The following ITGA9 variants were observed in gnomAD, a reference collection of about 807,000 sequenced individuals.
The protein encoded by ITGA9 is integrin subunit alpha 9, also known as integrin alpha-9.
In ITGA9, 56 loss-of-function variants were observed where a neutral mutation model predicts 127.8. That is an observed-to-expected ratio of 0.44 (90% CI 0.35 to 0.55). The LOEUF (loss-of-function observed/expected upper bound fraction) is 0.55. Among genes scored for constraint, ITGA9 ranks in the 20% least tolerant of loss-of-function variants. ITGA9 has a pLI of 0.00. For missense variants in ITGA9, 1,196 were observed against 1,347.1 expected (o/e 0.89, Z 1.76); for synonymous variants, 508 against 514.5 (o/e 0.99, Z 0.17).
chr3:37,520,990 C>T (rs1157755772), intron 11 of ITGA9, among the ~76,000 whole-genome samples: 2 of 152,194 alleles, frequency 1.3e-5, no homozygotes, highest in African/African-American at 2.4e-5. Flanking sequence ...TAGAGAACCA[C>T]AGTATAACTC....
intron 13 of ITGA9, among the ~76,000 whole-genome samples, chr3:37,531,295 A>G (rs1699149821): frequency 6.6e-6 from 1 of 152,184 alleles, no homozygotes; most frequent in Non-Finnish European, 1.5e-5. Flanking sequence ...TGAAGGTCAC[A>G]GGAAGCGATC....
intron 1 of ITGA9, among the ~76,000 whole-genome samples, chr3:37,459,543 A>G (rs1698295005): frequency 6.6e-6 from 1 of 152,232 alleles, no homozygotes; most frequent in Non-Finnish European, 1.5e-5. Context: ...CCACCTCCAA[A>G]TAACATTACC....
At chr3:37,783,198 T>C (rs1696999138) in intron 25 of ITGA9, among the ~76,000 whole-genome samples, 2 of 152,152 alleles carry the variant, frequency 1.3e-5, no homozygotes, top group African/African-American at 4.8e-5. Context: ...TTTCAGTCTG[T>C]AAGGCTTTTC....
At chr3:37,473,853 C>T (rs1246776009) in intron 3 of ITGA9, among the ~76,000 whole-genome samples, 2 of 152,106 alleles carry the variant, frequency 1.3e-5, no homozygotes, top group South Asian at 4.2e-4. Flanking sequence ...TTTCCATCGT[C>T]CCAAAAGTCT....
intron 24 of ITGA9, among the ~76,000 whole-genome samples, chr3:37,778,499 T>A (rs1696934016): frequency 6.6e-6 from 1 of 151,838 alleles, no homozygotes; most frequent in African/African-American, 2.4e-5. Flanking sequence ...GCGCCTGTAA[T>A]CCCAGCTACT....
At chr3:37,693,655 G>GT (rs1700854547) in intron 18 of ITGA9, among the ~76,000 whole-genome samples, 1 of 152,180 alleles carries the variant, frequency 6.6e-6, no homozygotes, top group Non-Finnish European at 1.5e-5. Context: ...ATTTGAGGGA[G>GT]TGCTTTGGCC....
At chr3:37,525,165 A>G (rs1699081469) in intron 12 of ITGA9, among the ~76,000 whole-genome samples, 1 of 152,222 alleles carries the variant, frequency 6.6e-6, no homozygotes, top group Non-Finnish European at 1.5e-5. Context: ...GGAGAAAGGC[A>G]TAGAACCACT....
At chr3:37,476,667 T>C (rs1698498265) in intron 3 of ITGA9, among the ~76,000 whole-genome samples, 2 of 152,198 alleles carry the variant, frequency 1.3e-5, no homozygotes, top group African/African-American at 2.4e-5. Flanking sequence ...TTTCTTCCCC[T>C]GTATGGGCTC....
chr3:37,545,522 T>G (rs971380654), intron 15 of ITGA9, among the ~76,000 whole-genome samples: 4 of 152,178 alleles, frequency 2.6e-5, no homozygotes, highest in African/African-American at 9.6e-5. Context: ...GGAGGGCACC[T>G]CCGGAGGGTA....
At chr3:37,727,757 C>T (rs544198845) in intron 18 of ITGA9, among the ~76,000 whole-genome samples, 1 of 152,284 alleles carries the variant, frequency 6.6e-6, no homozygotes, top group East Asian at 1.9e-4. Context: ...ATCATTTTAA[C>T]AATGGTCACT....
intron 20 of ITGA9, among the ~76,000 whole-genome samples, chr3:37,738,426 G>A (rs1208117290): frequency 3.3e-5 from 5 of 152,214 alleles, no homozygotes; most frequent in Non-Finnish European, 7.3e-5. Context: ...AAGAAGGATG[G>A]GGAGCACACA....
chr3:37,567,062 G>A (rs1171241496), intron 15 of ITGA9, among the ~76,000 whole-genome samples: 2 of 152,180 alleles, frequency 1.3e-5, no homozygotes, highest in Non-Finnish European at 2.9e-5. Context: ...TTTGGGATGT[G>A]TAGTCTGTTT....
intron 2 of ITGA9, among the ~76,000 whole-genome samples, chr3:37,471,913 A>G (rs1049961870): frequency 6.6e-6 from 1 of 151,924 alleles, no homozygotes; most frequent in Non-Finnish European, 1.5e-5. Context: ...TATTAGCTGA[A>G]CGTGGTGATG....
At chr3:37,504,763 T>A (rs1222173192) in intron 6 of ITGA9, among the ~76,000 whole-genome samples, 1 of 152,206 alleles carries the variant, frequency 6.6e-6, no homozygotes, top group Non-Finnish European at 1.5e-5. Flanking sequence ...TCACTCAGAA[T>A]ACTCTTAGGT....
At chr3:37,665,998 C>A (rs924150895) in intron 17 of ITGA9, among the ~76,000 whole-genome samples, 2 of 152,142 alleles carry the variant, frequency 1.3e-5, no homozygotes, top group African/African-American at 4.8e-5. Flanking sequence ...CACAATGCTA[C>A]GGTGTTCATT....
intron 25 of ITGA9, among the ~76,000 whole-genome samples, chr3:37,782,457 C>T (rs1480072436): frequency 6.4e-5 from 9 of 139,708 alleles, no homozygotes; most frequent in Non-Finnish European, 1.5e-4. Flanking sequence ...GCCAGTAGAG[C>T]CGCAGGCAAG....
intron 26 of ITGA9, among the ~76,000 whole-genome samples, chr3:37,802,659 T>G (rs79898758): frequency 0.048 from 7,306 of 152,202 alleles, 333 homozygotes; most frequent in African/African-American, 0.11. Flanking sequence ...CAAACTCCCC[T>G]GTGACCAGTG....
intron 15 of ITGA9, among the ~76,000 whole-genome samples, chr3:37,545,079 A>T (rs1699312243): frequency 1.3e-5 from 2 of 152,188 alleles, no homozygotes; most frequent in South Asian, 4.1e-4. Context: ...GGAAGCAAGG[A>T]TGAGGGGAAG....
chr3:37,602,464 C>T (rs969036659), intron 15 of ITGA9, among the ~76,000 whole-genome samples: 3 of 152,006 alleles, frequency 2.0e-5, no homozygotes, highest in African/African-American at 7.3e-5. Context: ...AGGCAGCAAA[C>T]TCTAGGGACT....
Sources: allele counts gnomAD v4.1 joint callset (sites outside exome capture counted in the v4.1 genomes callset), GRCh38; gene constraint gnomAD v4.1.1; transcripts MANE v1.5; gene names NCBI Gene and HGNC (gene_info 2026-07-23, HGNC 2026-07-21).